The following CDH23 variants were observed in gnomAD, a reference collection of about 807,000 sequenced individuals.
The protein encoded by CDH23 is cadherin-23.
Under a neutral mutation model 317.1 loss-of-function variants are expected in CDH23, and 189 were observed. The observed-to-expected ratio is 0.60, with a 90% CI of 0.53 to 0.67. CDH23 has a LOEUF of 0.67. Ranked by LOEUF, CDH23 falls within the 30% of genes least tolerant of loss-of-function variation. The pLI is 0.00. For missense variants in CDH23, 4,401 were observed against 4,592.4 expected (o/e 0.96, Z 1.20); for synonymous variants, 1,839 against 1,876.8 (o/e 0.98, Z 0.52).
chr10:71,407,418 G>A (rs1848143746), intron 1 of CDH23, among the ~76,000 whole-genome samples: 1 of 152,208 alleles, frequency 6.6e-6, no homozygotes, highest in Non-Finnish European at 1.5e-5. Context: ...AGTGAGGCTG[G>A]CTGGGATTTA....
chr10:71,489,594 G>GGTGTGTGTGTGT (rs34392048), intron 3 of CDH23, among the ~76,000 whole-genome samples: 16 of 139,884 alleles, frequency 1.1e-4, no homozygotes, highest in East Asian at 2.1e-4. Context: ...AGTGCCTCGG[G>GGTGTGTGTGTGT]GTGTGTGTGT....
chr10:71,490,825 G>C (rs1278060169), intron 3 of CDH23, among the ~76,000 whole-genome samples: 1 of 152,136 alleles, frequency 6.6e-6, no homozygotes, highest in Non-Finnish European at 1.5e-5. Context: ...TTACAGATGA[G>C]GAAACTGAGG....
intron 38 of CDH23, among the ~76,000 whole-genome samples, chr10:71,763,751 C>T (rs556512915): frequency 2.3e-4 from 35 of 152,216 alleles, no homozygotes; most frequent in Non-Finnish European, 4.6e-4. Context: ...GAGTAGTCGG[C>T]GCTTGGTACT....
At chr10:71,808,535 A>G (rs1841813445) in intron 60 of CDH23, among the ~76,000 whole-genome samples, 5 of 152,144 alleles carry the variant, frequency 3.3e-5, no homozygotes. Flanking sequence ...GCTCACACTT[A>G]TATCTATGGA....
At chr10:71,507,442 A>T (rs766836145) in intron 3 of CDH23, among the ~76,000 whole-genome samples, 1 of 152,260 alleles carries the variant, frequency 6.6e-6, no homozygotes, top group African/African-American at 2.4e-5. Flanking sequence ...CTGTAATCCC[A>T]GCACTTTGGT....
intron 6 of CDH23, among the ~76,000 whole-genome samples, chr10:71,547,501 A>G (rs1856348784): frequency 6.6e-6 from 1 of 152,220 alleles, no homozygotes; most frequent in African/African-American, 2.4e-5. Flanking sequence ...GGTCAACAGG[A>G]AGCCACTGTG....
chr10:71,685,306 C>A (rs1474359476), intron 18 of CDH23, among the ~76,000 whole-genome samples: 1 of 152,182 alleles, frequency 6.6e-6, no homozygotes, highest in African/African-American at 2.4e-5. Flanking sequence ...CCTTCAGAGA[C>A]CCACCCTCAT....
chr10:71,540,687 C>T (rs1174077654), intron 6 of CDH23, among the ~76,000 whole-genome samples: 1 of 152,132 alleles, frequency 6.6e-6, no homozygotes, highest in East Asian at 1.9e-4. Context: ...GTTGTGCCGA[C>T]CAGGGCCCCA....
chr10:71,540,245 C>G (rs1209153437), intron 6 of CDH23, among the ~76,000 whole-genome samples: 1 of 152,164 alleles, frequency 6.6e-6, no homozygotes, highest in Non-Finnish European at 1.5e-5. Flanking sequence ...ACTAGGGAAC[C>G]CACCCTCTTA....
chr10:71,604,267 G>A lies in CDH23; in HGVS notation c.833-11237G>A, dbSNP rs545840614. Among the ~76,000 whole-genome samples, 6 of 152,288 alleles carry A rather than the reference G, an allele frequency of 3.9e-5. No individual in the cohort carries two copies. The South Asian group carries it at 1.2e-3, about 32-fold the overall frequency. ...TGCACTCCAGGCTGGGTGACAGGGTGAGATCCTGTCTCTAAAAATAAAAAA... is the reference window on the plus strand; with the variant it reads ...TGCACTCCAGGCTGGGTGACAGGGTAAGATCCTGTCTCTAAAAATAAAAAA... On this transcript the variant is annotated intron_variant, in intron 9 of 69. Transcript: ENST00000224721.
At position 71,724,114 on chromosome 10, in the gene CDH23, G is replaced by A. The variant is rs752929224; in HGVS notation, c.3430+9G>A. On this transcript the variant is annotated intron_variant, in intron 29 of 69. Transcript: ENST00000224721. ...GTACCGCATCCTCCATGGTAAGTGG[G>A]GCTGCCCTAGGATGGGGGGCGGTCC... 2.6e-6 allele frequency: 4 copies of A among 1,554,752 alleles called. No homozygotes were observed. The South Asian group carries it at 4.8e-5, about 18-fold the overall frequency.
chr10:71,678,988 C>G (rs1307950045), intron 16 of CDH23, among the ~76,000 whole-genome samples: 1 of 152,010 alleles, frequency 6.6e-6, no homozygotes, highest in Non-Finnish European at 1.5e-5. Context: ...GTATGCAACC[C>G]TAGGGCCCTA....
chr10:71,416,405 T>C (rs1245238209), intron 1 of CDH23, among the ~76,000 whole-genome samples: 1 of 152,216 alleles, frequency 6.6e-6, no homozygotes, highest in Admixed American at 6.5e-5. Flanking sequence ...ACACTTTAAC[T>C]CCACTTACTC....
chr10:71,504,192 T>G (rs2132177052), intron 3 of CDH23, among the ~76,000 whole-genome samples: 1 of 152,316 alleles, frequency 6.6e-6, no homozygotes, highest in South Asian at 2.1e-4. Flanking sequence ...CTGTAGCCAT[T>G]GAATAATAGT....
chr10:71,802,935 C>A lies in CDH23; in HGVS notation c.7520C>A (p.Pro2507Gln). Residue 2507 changes from proline (P) to glutamine (Q), a missense_variant, in exon 54 of 70, where the codon CCA becomes CAA. Coordinates refer to ENST00000224721, the MANE Select transcript of CDH23 (RefSeq NM_022124.6). ...GTGCTGGATGTCAATGACTGCCGGC[C>A]ACAGTTCTCCAAGCCCCAGTTCAGC... is the stretch of plus-strand genomic sequence containing the variant. ...IQVLDVNDCR[P>Q]QFSKPQFSTS... is the part of the protein sequence containing the mutation. The A allele has an allele frequency of 6.2e-7, 1 of 1,614,006 alleles. No homozygotes were observed. The highest frequency in any genetic ancestry group is 8.5e-7 in the Non-Finnish European group (1 of 1,179,896).
chr10:71,485,068 C>T lies in CDH23; in HGVS notation c.146-25014C>T, dbSNP rs569995481. On this transcript the variant is annotated intron_variant, in intron 3 of 69. Transcript: ENST00000224721. ...GTGGGACGGAGTCTTGCTCTGTCAC[C>T]CAGGCTGGAGGGCAGTGGTGCGATC... Among the ~76,000 whole-genome samples the T allele has an allele frequency of 2.4e-4, 36 of 148,974 alleles. No individual in the cohort carries two copies. The South Asian group carries it at 5.4e-3, about 22-fold the overall frequency.
intron 11 of CDH23, among the ~76,000 whole-genome samples, chr10:71,619,209 C>T (rs977891570): frequency 4.6e-5 from 7 of 151,962 alleles, no homozygotes; most frequent in African/African-American, 1.7e-4. Flanking sequence ...ATGGTGTGCA[C>T]CTGTAATCCC....
chr10:71,578,140 C>T, intron 9 of CDH23, 148 bp downstream of exon 9: 1 of 762,944 alleles, frequency 1.3e-6, no homozygotes, highest in Admixed American at 2.1e-5. Context: ...ACAGTCCTCG[C>T]CAAAGGGCCA....
intron 6 of CDH23, among the ~76,000 whole-genome samples, chr10:71,525,672 G>A (rs1437149962): frequency 6.6e-6 from 1 of 152,140 alleles, no homozygotes; most frequent in African/African-American, 2.4e-5. Flanking sequence ...GCAGGTACGG[G>A]GTGCTGGTGG....
Sources: gnomAD v4.1 joint callset for allele counts (sites outside exome capture counted in the v4.1 genomes callset) on GRCh38, gnomAD v4.1.1 for gene constraint, MANE v1.5 for transcripts, NCBI Gene and HGNC (gene_info 2026-07-23, HGNC 2026-07-21) for gene names.